EPS8: variants seen among roughly 807,000 people sequenced by gnomAD.
EPS8 encodes EGFR pathway substrate 8, signaling adaptor.
A neutral mutation model predicts 103.8 loss-of-function variants in EPS8; 42 were observed. The observed-to-expected ratio is 0.40, with a 90% confidence interval of 0.32 to 0.52. The LOEUF is 0.52. Ranked by LOEUF, EPS8 falls within the 20% of genes least tolerant of loss-of-function variation. The probability of loss-of-function intolerance (pLI) is 0.40; values close to 1 mark genes in which losing one functional copy is unlikely to be tolerated. For synonymous variants in EPS8, 344 were observed against 344.6 expected (o/e 1.00, Z 0.02); for missense variants, 969 against 1,005.1 (o/e 0.96, Z 0.49).
intron 1 of EPS8, among the ~76,000 whole-genome samples, chr12:15,694,736 T>G (rs1946220720): frequency 6.6e-6 from 1 of 152,138 alleles, no homozygotes; most frequent in Non-Finnish European, 1.5e-5. Flanking sequence ...TTTACCTGCT[T>G]ACATAGTCAT....
At chr12:15,766,808 G>A (rs927027723) in intron 1 of EPS8, among the ~76,000 whole-genome samples, 1 of 152,056 alleles carries the variant, frequency 6.6e-6, no homozygotes, top group Non-Finnish European at 1.5e-5. Context: ...GACTCTATGG[G>A]GTCATTCAAA....
In EPS8 at chr12:15,735,442, C is replaced by T. The variant is rs1946758701; in HGVS notation, c.-21-52470G>A. Among the ~76,000 whole-genome samples the T allele has an allele frequency of 6.6e-6, 1 of 152,092 alleles. No homozygotes were observed. The highest frequency in any genetic ancestry group is 2.4e-5 in the African/African-American group (1 of 41,402). ...GATCAAATATTGTCTTATGGCGCAT[C>T]CCACGTTAATGCTACTTGACTTAAT... is the stretch of plus-strand genomic sequence containing the variant. On this transcript the variant is annotated intron_variant, in intron 1 of 20. Transcript: ENST00000281172. This position sits in a 1 kb window ranked among gnomAD's most constrained non-coding sequence, Gnocchi z 4.4.
Position 15,623,236 on chromosome 12 carries a change from A to G in EPS8, c.2277T>C (p.Asn759=). The G allele has an allele frequency of 1.2e-6, 2 of 1,613,020 alleles. No individual in the cohort carries two copies. The highest frequency in any genetic ancestry group is 8.5e-7 in the Non-Finnish European group (1 of 1,179,270). ...GGCAGACTGTCCTCAGTTCATCCTT[A>G]TTGAGAGAGAAAAGTTGTGCACCAT... ...VLNGAQLFSL[N]KDELRTVCPE... is the part of the protein sequence containing the mutation. Residue 759 remains asparagine (N), a synonymous_variant, in exon 20 of 21, where the codon AAT becomes AAC. Transcript: ENST00000281172.
chr12:15,644,009 G>A (rs575416359), intron 15 of EPS8, among the ~76,000 whole-genome samples: 20 of 152,270 alleles, frequency 1.3e-4, no homozygotes, highest in African/African-American at 2.6e-4. Flanking sequence ...AATATACTTC[G>A]TATGGCATTG....
At position 15,733,109 on chromosome 12, in the gene EPS8, G is replaced by A. The variant is rs537795520; in HGVS notation, c.-21-50137C>T. Among the ~76,000 whole-genome samples the A allele has an allele frequency of 5.9e-5, 9 of 152,138 alleles. No individual in the cohort carries two copies. The highest frequency in any genetic ancestry group is 3.9e-4 in the East Asian group (2 of 5,178). Reference sequence around the variant, plus strand: ...TACTGGAAAGAAATATAATGTATTCGTCCATTTTCACACTGCTATAAAGAT... The same window carrying A: ...TACTGGAAAGAAATATAATGTATTCATCCATTTTCACACTGCTATAAAGAT... On this transcript the variant is annotated intron_variant, in intron 1 of 20. Coordinates refer to ENST00000281172, the MANE Select transcript of EPS8 (RefSeq NM_004447.6). This position sits in a 1 kb window ranked among gnomAD's most constrained non-coding sequence, Gnocchi z 4.8.
intron 1 of EPS8, among the ~76,000 whole-genome samples, chr12:15,770,689 G>A (rs1591932537): frequency 1.3e-5 from 2 of 152,300 alleles, no homozygotes; most frequent in Non-Finnish European, 2.9e-5. Flanking sequence ...ATGGGAACCT[G>A]AAAAACAGGC....
intron 16 of EPS8, among the ~76,000 whole-genome samples, chr12:15,641,520 A>G (rs1237594868): frequency 6.6e-6 from 1 of 152,004 alleles, no homozygotes; most frequent in Non-Finnish European, 1.5e-5. Flanking sequence ...GCCACTCCCC[A>G]CAAAAAACAA....
intron 16 of EPS8, among the ~76,000 whole-genome samples, chr12:15,641,407 C>T (rs1338043863): frequency 1.3e-5 from 2 of 151,506 alleles, no homozygotes; most frequent in African/African-American, 4.9e-5. Flanking sequence ...TATGTGCATC[C>T]ACATCTGAAT....
At position 15,760,847 on chromosome 12, in the gene EPS8, T is replaced by C. The variant is rs992209986; in HGVS notation, c.-22+28314A>G. Among the ~76,000 whole-genome samples, 5 of 152,146 alleles carry C rather than the reference T, an allele frequency of 3.3e-5. No individual in the cohort carries two copies. Among genetic ancestry groups the C allele is most frequent in the African/African-American group, 1.2e-4 (5 of 41,450 alleles). ...GACAGTCCCACAACTAGTATCATAT[T>C]GAATGGGGAAAACCTGATAAGCCTT... On this transcript the variant is annotated intron_variant, in intron 1 of 20. Coordinates refer to ENST00000281172, the MANE Select transcript of EPS8 (RefSeq NM_004447.6). The surrounding 1 kb of genome is among the most constrained non-coding windows in gnomAD (Gnocchi z 4.5).
intron 1 of EPS8, among the ~76,000 whole-genome samples, chr12:15,724,782 T>C (rs1219092433): frequency 6.6e-6 from 1 of 152,170 alleles, no homozygotes; most frequent in Non-Finnish European, 1.5e-5. Flanking sequence ...CCTGCCACCA[T>C]GTAAGACATG....
At chr12:15,651,083 T>C (rs1461371288) in intron 13 of EPS8, 77 bp from the exon 14 acceptor site, 2 of 1,184,206 alleles carry the variant, frequency 1.7e-6, no homozygotes, top group Admixed American at 2.0e-5. Flanking sequence ...TCAGTAAGGC[T>C]AGACATACAC....
intron 1 of EPS8, among the ~76,000 whole-genome samples, chr12:15,773,330 C>G (rs1011409997): frequency 3.9e-5 from 6 of 152,034 alleles, no homozygotes; most frequent in Admixed American, 3.9e-4. Context: ...ATTAATGGTT[C>G]TTTTACTATG....
chr12:15,750,039 C>G (rs1038769806), intron 1 of EPS8, among the ~76,000 whole-genome samples: 5 of 152,194 alleles, frequency 3.3e-5, no homozygotes, highest in African/African-American at 1.2e-4. Flanking sequence ...GAATTGGACT[C>G]TATCTCTCTA....
chr12:15,743,624 T>G (rs1946846700), intron 1 of EPS8, among the ~76,000 whole-genome samples: 1 of 152,214 alleles, frequency 6.6e-6, no homozygotes, highest in South Asian at 2.1e-4. Context: ...TACAACCATC[T>G]GATCTTTGAC....
chr12:15,666,144 A>G (rs917867203), intron 7 of EPS8, among the ~76,000 whole-genome samples: 1 of 152,206 alleles, frequency 6.6e-6, no homozygotes, highest in South Asian at 2.1e-4. Context: ...AACAATTACA[A>G]TCCTACTGTC....
chr12:15,718,667 C>CA (rs1946559459), intron 1 of EPS8, among the ~76,000 whole-genome samples: 1 of 152,180 alleles, frequency 6.6e-6, no homozygotes, highest in South Asian at 2.1e-4. Flanking sequence ...TCAAGAGTCT[C>CA]ATATTCTACC....
chr12:15,694,800 T>C (rs1408614364), intron 1 of EPS8, among the ~76,000 whole-genome samples: 1 of 152,212 alleles, frequency 6.6e-6, no homozygotes, highest in Non-Finnish European at 1.5e-5. Flanking sequence ...TTGAGCCTAT[T>C]ATATTTCATA....
Position 15,747,118 on chromosome 12 carries a change from C to A in EPS8, c.-22+42043G>T, listed in dbSNP as rs1251563903. Reference sequence around the variant, plus strand: ...AACCAGAACTACAAAGTAAAATTATCTCAATGCATAAAGCCAACCTAGTAA... The same window carrying A: ...AACCAGAACTACAAAGTAAAATTATATCAATGCATAAAGCCAACCTAGTAA... On this transcript the variant is annotated intron_variant, in intron 1 of 20. Transcript: ENST00000281172. The surrounding 1 kb of genome is among the most constrained non-coding windows in gnomAD (Gnocchi z 4.4). Among the ~76,000 whole-genome samples, 1 of 152,178 alleles carries A rather than the reference C, an allele frequency of 6.6e-6. No individual in the cohort carries two copies. The highest frequency in any genetic ancestry group is 1.5e-5 in the Non-Finnish European group (1 of 68,032).
In EPS8 at chr12:15,662,099, A is replaced by C. The variant is rs1465318054; in HGVS notation, c.737T>G (p.Phe246Cys). Residue 246 changes from phenylalanine to cysteine, a missense_variant and splice_region_variant, in exon 9 of 21, where the codon TTT (phenylalanine) becomes TGT (cysteine). Phe to Cys is a radical substitution (Grantham distance 205). Coordinates refer to ENST00000281172, the MANE Select transcript of EPS8 (RefSeq NM_004447.6). ...CTCATGATACTGCCTTGGTTTCTCA[A>C]CTATAGAAAGGACAATCATAAGTCT... ...WSAWAADQGD[F>C]EKPRQYHEQE... The C allele has an allele frequency of 2.7e-5, 43 of 1,612,928 alleles. No individual in the cohort carries two copies. Among genetic ancestry groups the C allele is most frequent in the Non-Finnish European group, 3.5e-5 (41 of 1,178,914 alleles).
Sources: gnomAD v4.1 joint callset for allele counts (sites outside exome capture counted in the v4.1 genomes callset) on GRCh38, gnomAD v4.1.1 for gene constraint, Gnocchi (gnomAD v3.1) non-coding constraint, MANE v1.5 for transcripts, NCBI Gene and HGNC (gene_info 2026-07-23, HGNC 2026-07-21) for gene names.